Variants in EPHA6 observed in about 807,000 individuals in gnomAD.
EPHA6 encodes the protein EPH receptor A6, also known as ephrin type-A receptor 6.
A neutral mutation model predicts 112.0 loss-of-function variants in EPHA6; 50 were observed. That is an observed-to-expected ratio of 0.45 (90% CI 0.36 to 0.56). The LOEUF is 0.56. EPHA6 is among the 20% of genes least tolerant of loss of function. The pLI, the probability that EPHA6 is intolerant of heterozygous loss-of-function variation, is 0.00. For synonymous variants in EPHA6, 529 were observed against 490.7 expected (o/e 1.08, Z -1.03); for missense variants, 1,280 against 1,417.4 (o/e 0.90, Z 1.56).
At chr3:97,207,809 G>C (rs1315018669) in intron 3 of EPHA6, among the ~76,000 whole-genome samples, 2 of 152,142 alleles carry the variant, frequency 1.3e-5, no homozygotes, top group African/African-American at 2.4e-5. Context: ...ATAGGTTCAT[G>C]AAATGCTAGA....
chr3:97,515,062 A>T (rs2092426369), intron 10 of EPHA6, among the ~76,000 whole-genome samples: 1 of 152,238 alleles, frequency 6.6e-6, no homozygotes, highest in Non-Finnish European at 1.5e-5. Context: ...TAGATTTGGG[A>T]TATCACAGCC....
chr3:97,327,536 C>T (rs1014531988), intron 5 of EPHA6, among the ~76,000 whole-genome samples: 4 of 150,992 alleles, frequency 2.6e-5, no homozygotes, highest in African/African-American at 9.7e-5. Context: ...ATTGTATCAC[C>T]TATGTATGTT....
chr3:97,523,206 C>T (rs1331407202), intron 10 of EPHA6, among the ~76,000 whole-genome samples: 4 of 151,972 alleles, frequency 2.6e-5, no homozygotes, highest in Non-Finnish European at 5.9e-5. Flanking sequence ...TGGTGCATCC[C>T]ATAAGTTTAG....
chr3:97,605,511 C>A (rs1236235687), intron 12 of EPHA6, among the ~76,000 whole-genome samples: 1 of 151,562 alleles, frequency 6.6e-6, no homozygotes, highest in Non-Finnish European at 1.5e-5. Flanking sequence ...CTAGGAAGTC[C>A]TTTCACTATT....
rs903523948 is a variant in EPHA6 at position 97,429,296 on chromosome 3, CT to C, written c.1732-19265del. On this transcript the variant is annotated intron_variant, in intron 6 of 17. Coordinates refer to ENST00000389672, the MANE Select transcript of EPHA6 (RefSeq NM_001080448.3). Reference sequence around the variant, plus strand: ...TATCATTTTTAAATTATGCATGTATCTTTTTTTCCTTTGAATCCTTTATTCA... The same window carrying C: ...TATCATTTTTAAATTATGCATGTATCTTTTTTCCTTTGAATCCTTTATTCA... Among the ~76,000 whole-genome samples the C allele has an allele frequency of 5.9e-5, 9 of 152,176 alleles. No individual in the cohort carries two copies. The South Asian group carries it at 1.9e-3, about 32-fold the overall frequency.
chr3:97,032,291 A>G (rs944295591), intron 3 of EPHA6, among the ~76,000 whole-genome samples: 1 of 151,914 alleles, frequency 6.6e-6, no homozygotes, highest in African/African-American at 2.4e-5. Context: ...CACACCAGGG[A>G]CTGTTGTGGG....
chr3:97,644,919 C>A (rs970949832), intron 14 of EPHA6, among the ~76,000 whole-genome samples: 5 of 152,118 alleles, frequency 3.3e-5, no homozygotes, highest in Non-Finnish European at 5.9e-5. Flanking sequence ...AAGAGGGAAT[C>A]CTCCCTAACT....
At chr3:96,902,151 A>G (rs778207087) in intron 2 of EPHA6, among the ~76,000 whole-genome samples, 23 of 152,330 alleles carry the variant, frequency 1.5e-4, no homozygotes, top group Non-Finnish European at 2.6e-4. Flanking sequence ...GACTGCTGGC[A>G]TTATTTAACA....
intron 10 of EPHA6, among the ~76,000 whole-genome samples, chr3:97,485,069 A>T (rs745499603): frequency 2.0e-5 from 3 of 152,216 alleles, no homozygotes; most frequent in Non-Finnish European, 2.9e-5. Context: ...GACAAGGGAT[A>T]TTGGATCTTG....
chr3:97,563,790 G>C (rs1176875252), intron 11 of EPHA6, among the ~76,000 whole-genome samples: 2 of 152,106 alleles, frequency 1.3e-5, no homozygotes, highest in Non-Finnish European at 2.9e-5. Context: ...TTTAGAGATA[G>C]ACTTGTACTT....
intron 3 of EPHA6, among the ~76,000 whole-genome samples, chr3:97,211,592 T>C (rs186433699): frequency 2.0e-5 from 3 of 152,296 alleles, no homozygotes; most frequent in Non-Finnish European, 4.4e-5. Context: ...AGGTCTGGTT[T>C]CTTCATTCCC....
intron 5 of EPHA6, among the ~76,000 whole-genome samples, chr3:97,247,413 A>C (rs950604340): frequency 6.6e-6 from 1 of 151,944 alleles, no homozygotes; most frequent in African/African-American, 2.4e-5. Context: ...ACTCTAGTTA[A>C]AGTACTGCTA....
intron 6 of EPHA6, among the ~76,000 whole-genome samples, chr3:97,446,836 C>A (rs1282992384): frequency 1.3e-5 from 2 of 152,238 alleles, no homozygotes; most frequent in South Asian, 4.1e-4. Context: ...CAAGCTCCTA[C>A]ATTTAATCCC....
chr3:97,041,875 C>T lies in EPHA6; in HGVS notation c.1114+53882C>T, dbSNP rs996415884. ...ATGCGAACAGCAAGGGGAAAATCCTCCCCAGTGATCTAATCACCTCCCCTT... is the reference window on the plus strand; with the variant it reads ...ATGCGAACAGCAAGGGGAAAATCCTTCCCAGTGATCTAATCACCTCCCCTT... On this transcript the variant is annotated intron_variant, in intron 3 of 17. Coordinates refer to ENST00000389672, the MANE Select transcript of EPHA6 (RefSeq NM_001080448.3). Among the ~76,000 whole-genome samples, 4 of 152,024 alleles carry T rather than the reference C, an allele frequency of 2.6e-5. No individual in the cohort carries two copies. The South Asian group carries it at 6.2e-4, about 24-fold the overall frequency.
At chr3:97,290,270 A>T (rs1406073298) in intron 5 of EPHA6, among the ~76,000 whole-genome samples, 1 of 152,076 alleles carries the variant, frequency 6.6e-6, no homozygotes, top group Non-Finnish European at 1.5e-5. Context: ...GTTTTGAGAG[A>T]TCTACTTGGT....
chr3:97,141,437 G>A (rs928901055), intron 3 of EPHA6, among the ~76,000 whole-genome samples: 2 of 151,910 alleles, frequency 1.3e-5, no homozygotes, highest in African/African-American at 4.8e-5. Flanking sequence ...TAGTCATAAA[G>A]CAAGCCTCAA....
chr3:97,533,026 A>G (rs2092712946), intron 11 of EPHA6, among the ~76,000 whole-genome samples: 1 of 152,030 alleles, frequency 6.6e-6, no homozygotes. Context: ...AAATGAAAAA[A>G]GTTTACAATT....
intron 3 of EPHA6, among the ~76,000 whole-genome samples, chr3:97,033,391 TG>T (rs769441906): frequency 6.6e-5 from 10 of 151,982 alleles, no homozygotes; most frequent in Non-Finnish European, 8.8e-5. Context: ...GGTGAGAAGC[TG>T]GTCAGTCGGT....
At chr3:97,215,682 T>A (rs572480971) in intron 3 of EPHA6, among the ~76,000 whole-genome samples, 1 of 152,168 alleles carries the variant, frequency 6.6e-6, no homozygotes, top group Non-Finnish European at 1.5e-5. Context: ...CTTTAATATA[T>A]GTCTTCTCTA....
Sources: allele counts gnomAD v4.1 joint callset (sites outside exome capture counted in the v4.1 genomes callset), GRCh38; gene constraint gnomAD v4.1.1; transcripts MANE v1.5; gene names NCBI Gene and HGNC (gene_info 2026-07-23, HGNC 2026-07-21).